Variants in SEPTIN3 observed in about 807,000 individuals in gnomAD.
SEPTIN3 encodes the protein neuronal-specific septin-3.
A neutral mutation model predicts 45.1 loss-of-function variants in SEPTIN3; 15 were observed. The observed-to-expected ratio is 0.33, with a 90% CI of 0.22 to 0.51. The LOEUF (loss-of-function observed/expected upper bound fraction) is 0.51. SEPTIN3 is among the 20% of genes least tolerant of loss of function. The probability of loss-of-function intolerance (pLI) is 0.97; values close to 1 mark genes in which losing one functional copy is unlikely to be tolerated. For synonymous variants in SEPTIN3, 148 were observed against 164.8 expected, an observed-to-expected ratio of 0.90 and a Z score of 0.78; for missense variants, 289 against 457.2, an observed-to-expected ratio of 0.63 and a Z score of 3.35.
chr22:41,994,985 T>C lies in SEPTIN3; in HGVS notation c.2505+271T>C. 7.4e-7 allele frequency: 1 copy of C among 1,343,194 alleles called. No homozygotes were observed. The highest frequency in any genetic ancestry group is 9.6e-7 in the Non-Finnish European group (1 of 1,043,610). The allele number at this position is 1,343,194 out of a possible 1,614,324, so 83.2% of individuals were successfully genotyped here. On this transcript the variant is annotated intron_variant, in intron 11 of 11. Coordinates refer to ENST00000644076, the MANE Select transcript of SEPTIN3 (RefSeq NM_001363845.2). The surrounding 1 kb of genome is among the most constrained non-coding windows in gnomAD (Gnocchi z 4.2). ...CAGGGGTGAGGTATTTTCACTGCCCTCCCTGGAGAGTCCCTTGTAAGTTTG... is the reference window on the plus strand; with the variant it reads ...CAGGGGTGAGGTATTTTCACTGCCCCCCCTGGAGAGTCCCTTGTAAGTTTG...
In SEPTIN3 at chr22:41,976,686, C is replaced by G. The variant is rs940749110; in HGVS notation, c.1504+3690C>G. On this transcript the variant is annotated intron_variant, in intron 2 of 11. Transcript: ENST00000644076. This position sits in a 1 kb window ranked among gnomAD's most constrained non-coding sequence, Gnocchi z 5.8. ...CCCGCGGGGGCGGCTCCTGGACCGC[C>G]CGCAGCGTGGACCCGGGACCAGTTC... is the stretch of plus-strand genomic sequence containing the variant. The G allele has an allele frequency of 6.5e-6, 1 of 152,688 alleles. No individual in the cohort carries two copies. Among genetic ancestry groups the G allele is most frequent in the African/African-American group, 2.4e-5 (1 of 41,430 alleles). The allele number at this position is 152,688 out of a possible 1,614,324, so 9.5% of individuals were successfully genotyped here.
intron 6 of SEPTIN3, among the ~76,000 whole-genome samples, chr22:41,988,111 T>C (rs776330310): frequency 2.0e-5 from 3 of 151,816 alleles, no homozygotes; most frequent in Non-Finnish European, 4.4e-5. Context: ...TGGAAAATAA[T>C]TGGAGTCGGA....
chr22:41,986,213 C>A (rs1444668817), intron 4 of SEPTIN3, 101 bp downstream of exon 4: 62 of 1,429,256 alleles, frequency 4.3e-5, no homozygotes, highest in Non-Finnish European at 5.5e-5. Context: ...CAATAAAAGG[C>A]AACCTTAAGA....
chr22:41,977,126 C>G, intron 2 of SEPTIN3: 4 of 1,557,408 alleles, frequency 2.6e-6, no homozygotes, highest in South Asian at 2.3e-5. Flanking sequence ...GCTGCGGCCC[C>G]GGCCAGCGCG....
intron 7 of SEPTIN3, among the ~76,000 whole-genome samples, chr22:41,991,318 G>T (rs1225223164): frequency 6.6e-6 from 1 of 152,140 alleles, no homozygotes; most frequent in Non-Finnish European, 1.5e-5. Flanking sequence ...GAGCAAGCTG[G>T]TTGCGAGGCG....
In SEPTIN3 at chr22:41,987,759, C is replaced by T. The variant is rs1034405597; in HGVS notation, c.2045C>T (p.Ser682Phe). Residue 682 changes from serine to phenylalanine, a missense_variant and splice_region_variant, in exon 6 of 12, where the codon TCC becomes TTC. Physicochemically the swap from Ser to Phe is radical, Grantham distance 155 (BLOSUM62 -2). Coordinates refer to ENST00000644076, the MANE Select transcript of SEPTIN3 (RefSeq NM_001363845.2). ...TACTTCATCTCTCCCACAGGACACT[C>T]GTATGTACCAACCCTACCCCTATTG... ...CLYFISPTGH[S>F]LRPLDLEFMK... The T allele has an allele frequency of 9.3e-6, 15 of 1,612,138 alleles. No individual in the cohort carries two copies. Among genetic ancestry groups the T allele is most frequent in the Non-Finnish European group, 1.1e-5 (13 of 1,178,472 alleles).
At chr22:41,983,200 G>A (rs1255744728) in intron 3 of SEPTIN3, among the ~76,000 whole-genome samples, 3 of 152,236 alleles carry the variant, frequency 2.0e-5, no homozygotes, top group Non-Finnish European at 4.4e-5. Context: ...TTGGGCCAGA[G>A]TATAAATCAT....
chr22:41,986,292 G>A (rs2078206391), intron 4 of SEPTIN3, among the ~76,000 whole-genome samples, 180 bp downstream of exon 4: 1 of 152,186 alleles, frequency 6.6e-6, no homozygotes, highest in Non-Finnish European at 1.5e-5. Context: ...AGAGAGAGCA[G>A]GGAGCTCGAA....
At position 41,994,410 on chromosome 22, in the gene SEPTIN3, A is replaced by G; in HGVS notation, c.2411+69A>G. 6.4e-7 allele frequency: 1 copy of G among 1,557,058 alleles called. No individual in the cohort carries two copies. The highest frequency in any genetic ancestry group is 1.4e-5 in the African/African-American group (1 of 73,806). On this transcript the variant is annotated intron_variant, in intron 10 of 11. Transcript: ENST00000644076. The surrounding 1 kb of genome is among the most constrained non-coding windows in gnomAD (Gnocchi z 4.2). ...ATTTGGGGTCAGGGTCTATCTGTTC[A>G]GATTCACCTCCTGCATCTCCAGGTC...
At chr22:41,986,927 G>T (rs2078218767) in intron 4 of SEPTIN3, among the ~76,000 whole-genome samples, 1 of 152,088 alleles carries the variant, frequency 6.6e-6, no homozygotes, top group South Asian at 2.1e-4. Flanking sequence ...AGTGAGCTGT[G>T]ATTGCACCAC....
Position 41,997,198 on chromosome 22 carries a change from C to G in SEPTIN3, c.*231C>G. 1.4e-6 allele frequency: 1 copy of G among 730,580 alleles called. No homozygotes were observed. Among genetic ancestry groups the G allele is most frequent in the South Asian group, 2.0e-5 (1 of 51,240 alleles). 45.3% of individuals were successfully genotyped at this position (730,580 alleles called of 1,614,324 possible). The stretch of plus-strand genomic sequence containing the variant: ...TGCCAGTACAGCCCTACTGCATCAT[C>G]TGCGTCAGCCGGTCCTAGCCCATCT... On this transcript the variant is annotated 3_prime_UTR_variant, in exon 12 of 12. Transcript: ENST00000644076.
chr22:41,988,241 G>A (rs2078242689), intron 6 of SEPTIN3, among the ~76,000 whole-genome samples: 1 of 152,170 alleles, frequency 6.6e-6, no homozygotes, highest in Non-Finnish European at 1.5e-5. Context: ...GAGGCATTGT[G>A]TGTTCAGAGA....
intron 2 of SEPTIN3, 133 bp downstream of exon 2, chr22:41,973,129 G>A (rs1411686131): frequency 1.3e-5 from 5 of 396,848 alleles, no homozygotes; most frequent in Non-Finnish European, 2.2e-5. Flanking sequence ...AATGGGTTGG[G>A]AGAAAAGGAA....
intron 2 of SEPTIN3, 21 bp downstream of exon 2, chr22:41,973,017 G>T: frequency 2.5e-6 from 1 of 398,840 alleles, no homozygotes. Context: ...AAACTTGGTT[G>T]GGGATGGACT....
At chr22:41,977,185 C>A in intron 2 of SEPTIN3, 1 of 1,087,310 alleles carries the variant, frequency 9.2e-7, no homozygotes, top group Non-Finnish European at 1.3e-6. Flanking sequence ...AGCCCACGCG[C>A]GGTGACAGAT....
intron 2 of SEPTIN3, among the ~76,000 whole-genome samples, chr22:41,979,086 G>A (rs771483604): frequency 5.9e-5 from 9 of 152,134 alleles, no homozygotes; most frequent in African/African-American, 9.7e-5. Flanking sequence ...GCCAGCAGGC[G>A]CTGTGTACAG....
At chr22:41,977,437 G>A (rs1448698575) in intron 2 of SEPTIN3, among the ~76,000 whole-genome samples, 3 of 152,132 alleles carry the variant, frequency 2.0e-5, no homozygotes, top group Admixed American at 2.0e-4. Flanking sequence ...CCCCTCCCCC[G>A]CAACCCCTAC....
At chr22:41,988,912 G>A (rs1433306371) in intron 6 of SEPTIN3, among the ~76,000 whole-genome samples, 2 of 152,098 alleles carry the variant, frequency 1.3e-5, no homozygotes, top group Admixed American at 6.6e-5. Context: ...GATTGCTTGA[G>A]TCCAGGAGTT....
In SEPTIN3 at chr22:41,994,391, G is replaced by T. The variant is rs766096307; in HGVS notation, c.2411+50G>T. 10 of 1,593,722 alleles carry T rather than the reference G, an allele frequency of 6.3e-6. No individual in the cohort carries two copies. Among genetic ancestry groups the T allele is most frequent in the Non-Finnish European group, 8.6e-6 (10 of 1,162,342 alleles). ...CCAGACAGCAGGTTGAATTATTTGG[G>T]GTCAGGGTCTATCTGTTCAGATTCA... On this transcript the variant is annotated intron_variant, in intron 10 of 11. Transcript: ENST00000644076. This position sits in a 1 kb window ranked among gnomAD's most constrained non-coding sequence, Gnocchi z 4.2.
Sources: allele counts gnomAD v4.1 joint callset (sites outside exome capture counted in the v4.1 genomes callset), GRCh38; gene constraint gnomAD v4.1.1; non-coding constraint Gnocchi (gnomAD v3.1); transcripts MANE v1.5; gene names NCBI Gene and HGNC (gene_info 2026-07-23, HGNC 2026-07-21).